The following TIAM1 variants were observed in gnomAD, a reference collection of about 807,000 sequenced individuals.
The protein encoded by TIAM1 is TIAM Rac1 associated GEF 1.
Under a neutral mutation model 163.5 loss-of-function variants are expected in TIAM1, and 65 were observed. The ratio of observed to expected loss-of-function variants is 0.40; its 90% CI spans 0.33 to 0.49. The LOEUF (loss-of-function observed/expected upper bound fraction) is 0.49. Ranked by LOEUF, TIAM1 falls within the 20% of genes least tolerant of loss-of-function variation. The probability of loss-of-function intolerance (pLI) is 0.77; values close to 1 mark genes in which losing one functional copy is unlikely to be tolerated. For synonymous variants in TIAM1, 833 were observed against 810.1 expected (o/e 1.03, Z -0.48); for missense variants, 1,789 against 2,044.7 (o/e 0.87, Z 2.41).
intron 3 of TIAM1, among the ~76,000 whole-genome samples, chr21:31,274,586 C>T (rs2073205492): frequency 1.3e-5 from 2 of 152,194 alleles, no homozygotes; most frequent in African/African-American, 4.8e-5. Context: ...CAGGATGCCT[C>T]ACCCCCTAGC....
intron 1 of TIAM1, among the ~76,000 whole-genome samples, chr21:31,530,625 T>C (rs1440882584): frequency 6.6e-6 from 1 of 152,168 alleles, no homozygotes; most frequent in Non-Finnish European, 1.5e-5. Flanking sequence ...GCCCCCCTGG[T>C]GGGCACACAC....
At chr21:31,537,611 G>A (rs1381057887) in intron 1 of TIAM1, among the ~76,000 whole-genome samples, 1 of 152,052 alleles carries the variant, frequency 6.6e-6, no homozygotes, top group Non-Finnish European at 1.5e-5. Context: ...AATTGCCCAG[G>A]CATGGTGGTG....
intron 6 of TIAM1, among the ~76,000 whole-genome samples, chr21:31,232,166 A>AAAAGAG (rs199840899): frequency 0.027 from 4,143 of 152,230 alleles, 198 homozygotes; most frequent in African/African-American, 0.094. Flanking sequence ...TTATAAAATA[A>AAAAGAG]AAAAAGCATA....
At chr21:31,428,073 T>C (rs2043862386) in intron 2 of TIAM1, among the ~76,000 whole-genome samples, 1 of 151,724 alleles carries the variant, frequency 6.6e-6, no homozygotes, top group South Asian at 2.1e-4. Context: ...ACCAGCCTGA[T>C]CAACATGGTG....
chr21:31,383,928 C>T (rs995404254), intron 2 of TIAM1, among the ~76,000 whole-genome samples: 5 of 152,052 alleles, frequency 3.3e-5, no homozygotes, highest in Non-Finnish European at 5.9e-5. Flanking sequence ...ACAATCTGGG[C>T]CAATGGACAG....
chr21:31,120,553 T>C lies in TIAM1; in HGVS notation c.4591A>G (p.Thr1531Ala), dbSNP rs149541523. The C allele has an allele frequency of 3.9e-5, 63 of 1,614,134 alleles. No individual in the cohort carries two copies. In the African/African-American group the frequency reaches 6.9e-4, roughly 18 times the overall value. The change falls in exon 28 of 28, where the codon ACC (threonine) becomes GCC (alanine). Residue 1531 changes from threonine (T) to alanine (A), a missense_variant. Coordinates refer to ENST00000541036, the MANE Select transcript of TIAM1 (RefSeq NM_001353694.2). This position sits in a 1 kb window ranked among gnomAD's most constrained non-coding sequence, Gnocchi z 4.2. ...CCTCTTTCCCGCTGACTGATGGAGG[T>C]GGCCTGAAGCCGCTCCTGCAGGTCT... The part of the protein sequence containing the change: ...DRDLQERLQA[T>A]SISQRERGRK...
At chr21:31,196,601 T>TG (rs1452256329) in intron 12 of TIAM1, among the ~76,000 whole-genome samples, 13 of 151,842 alleles carry the variant, frequency 8.6e-5, no homozygotes, top group Admixed American at 8.5e-4. Flanking sequence ...ATTACAGGCA[T>TG]GAGCCACCAT....
intron 2 of TIAM1, among the ~76,000 whole-genome samples, chr21:31,310,610 G>C (rs114474633): frequency 1.3e-5 from 2 of 152,014 alleles, no homozygotes; most frequent in African/African-American, 4.8e-5. Flanking sequence ...ACTTACAACC[G>C]GGACACACCT....
At chr21:31,167,114 G>C (rs998117490) in intron 15 of TIAM1, among the ~76,000 whole-genome samples, 2 of 120,922 alleles carry the variant, frequency 1.7e-5, no homozygotes, top group Non-Finnish European at 3.2e-5. Flanking sequence ...TTTTTGAGAT[G>C]GAGTTTCACT....
intron 2 of TIAM1, among the ~76,000 whole-genome samples, chr21:31,451,766 A>G (rs937041774): frequency 8.7e-5 from 13 of 149,640 alleles, no homozygotes; most frequent in Non-Finnish European, 1.8e-4. Flanking sequence ...TGTGTGAGAC[A>G]CAGAGAGAGA....
intron 15 of TIAM1, among the ~76,000 whole-genome samples, chr21:31,181,574 CAG>C (rs778842617): frequency 2.6e-5 from 4 of 151,788 alleles, no homozygotes; most frequent in Non-Finnish European, 5.9e-5. Flanking sequence ...AAAAGACAAA[CAG>C]AGCTCTGCAC....
In TIAM1 at chr21:31,182,276, C is replaced by A. The variant is rs529887955; in HGVS notation, c.2887+145G>T. The A allele has an allele frequency of 8.4e-6, 5 of 596,950 alleles. No individual in the cohort carries two copies. The East Asian group carries it at 1.6e-4, about 19-fold the overall frequency. The allele number at this position is 596,950 out of a possible 1,614,324, so 37.0% of individuals were successfully genotyped here. On this transcript the variant is annotated intron_variant, in intron 15 of 27. Coordinates refer to ENST00000541036, the MANE Select transcript of TIAM1 (RefSeq NM_001353694.2). ...TGAAATTTCAACAGGAAATGCAGGG[C>A]CAGTCATCAGCCCATCTTGCACACA...
At chr21:31,499,809 T>A (rs557951570) in intron 1 of TIAM1, among the ~76,000 whole-genome samples, 2 of 148,274 alleles carry the variant, frequency 1.3e-5, no homozygotes, top group African/African-American at 5.0e-5. Context: ...AAGATCGAGC[T>A]ACTGCACTCC....
Position 31,403,706 on chromosome 21 carries a change from T to G in TIAM1, c.-369+60277A>C, listed in dbSNP as rs2268234. Among the ~76,000 whole-genome samples, 468 of 152,204 alleles carry G rather than the reference T, an allele frequency of 3.1e-3. 4 individuals are homozygous for G. In the East Asian group the frequency reaches 0.053, roughly 17 times the overall value. On this transcript the variant is annotated intron_variant, in intron 2 of 28. Transcript: ENST00000286827. ...AATACATAAAGAAGTGAAGCTAGAATAAGGAATAGTCTAAAAATTGCTGGG... is the reference window on the plus strand; with the variant it reads ...AATACATAAAGAAGTGAAGCTAGAAGAAGGAATAGTCTAAAAATTGCTGGG...
chr21:31,286,510 C>T (rs980971198), intron 2 of TIAM1, among the ~76,000 whole-genome samples: 22 of 151,920 alleles, frequency 1.4e-4, no homozygotes, highest in Non-Finnish European at 2.1e-4. Flanking sequence ...AAGTTCAAGA[C>T]CAGCCTGGGA....
chr21:31,145,250 T>C (rs1331335421), intron 20 of TIAM1, among the ~76,000 whole-genome samples: 2 of 152,232 alleles, frequency 1.3e-5, no homozygotes, highest in African/African-American at 2.4e-5. Context: ...AGACTGTTTT[T>C]ATCTGGGGCA....
rs1356982551 is a variant in TIAM1 at position 31,541,400 on chromosome 21, T to G, written c.-422+17527A>C. On this transcript the variant is annotated intron_variant, in intron 1 of 28. Coordinates refer to the TIAM1 transcript ENST00000286827. ...TCAGCCCCAGAGGTTGAGGCTGCACTGAGCCAAGATCATGCCACTGCACTC... is the reference window on the plus strand; with the variant it reads ...TCAGCCCCAGAGGTTGAGGCTGCACGGAGCCAAGATCATGCCACTGCACTC... Among the ~76,000 whole-genome samples the G allele has an allele frequency of 5.3e-5, 8 of 152,050 alleles. No homozygotes were observed. The East Asian group carries it at 1.5e-3, about 29-fold the overall frequency.
intron 1 of TIAM1, among the ~76,000 whole-genome samples, chr21:31,511,720 T>C (rs1285817251): frequency 6.6e-6 from 1 of 152,196 alleles, no homozygotes; most frequent in Non-Finnish European, 1.5e-5. Flanking sequence ...TGATCATGTG[T>C]AACCTTAAAA....
At chr21:31,265,936 C>G in intron 4 of TIAM1, 74 bp downstream of exon 4, 1 of 1,535,434 alleles carries the variant, frequency 6.5e-7, no homozygotes, top group Non-Finnish European at 8.8e-7. Flanking sequence ...TGGAAATCTT[C>G]TAAGAGCAAA....
Sources: allele counts gnomAD v4.1 joint callset (sites outside exome capture counted in the v4.1 genomes callset), GRCh38; gene constraint gnomAD v4.1.1; non-coding constraint Gnocchi (gnomAD v3.1); transcripts MANE v1.5; gene names NCBI Gene and HGNC (gene_info 2026-07-23, HGNC 2026-07-21).